Variants in HCRTR2 observed in about 807,000 individuals in gnomAD.
HCRTR2 encodes hypocretin receptor 2.
HCRTR2 carries 22 observed loss-of-function variants against 49.0 expected under a neutral mutation model. The ratio of observed to expected loss-of-function variants is 0.45; its 90% CI spans 0.32 to 0.64. The LOEUF is 0.64. HCRTR2 is among the 30% of genes least tolerant of loss of function. The pLI, the probability that HCRTR2 is intolerant of heterozygous loss-of-function variation, is 0.04. For synonymous variants in HCRTR2, 236 were observed against 205.3 expected (o/e 1.15, Z -1.28); for missense variants, 491 against 559.4 (o/e 0.88, Z 1.23).
chr6:55,119,599 C>T (rs377255320), intron 1 of HCRTR2, among the ~76,000 whole-genome samples: 27 of 150,244 alleles, frequency 1.8e-4, no homozygotes, highest in African/African-American at 5.9e-4. Context: ...AGTGTCTGCT[C>T]ATATCCTTTG....
In HCRTR2 at chr6:55,179,384, C is replaced by G. The variant is rs190634625; in HGVS notation, c.223+4574C>G. On this transcript the variant is annotated intron_variant, in intron 1 of 6. Transcript: ENST00000370862. ...ACTATTAGGCTTTAAACCTATTGTGCATTTTAGTTTTAAAATGCAAACATG... is the reference window on the plus strand; with the variant it reads ...ACTATTAGGCTTTAAACCTATTGTGGATTTTAGTTTTAAAATGCAAACATG... 2.2e-3 allele frequency among the ~76,000 whole-genome samples: 335 copies of G among 152,204 alleles called. 1 individual carries two copies. The highest frequency in any genetic ancestry group is 7.8e-3 in the African/African-American group (323 of 41,528).
At chr6:55,150,075 G>A (rs551434437) in intron 1 of HCRTR2, among the ~76,000 whole-genome samples, 7 of 151,910 alleles carry the variant, frequency 4.6e-5, no homozygotes, top group South Asian at 2.1e-4. Context: ...ATGCAGTCCT[G>A]AAGTGTGCTT....
intron 1 of HCRTR2, among the ~76,000 whole-genome samples, chr6:55,166,116 A>G (rs746748683): frequency 2.6e-5 from 4 of 151,930 alleles, no homozygotes; most frequent in Non-Finnish European, 4.4e-5. Flanking sequence ...TGCTGATATG[A>G]TGTACCACAT....
intron 4 of HCRTR2, among the ~76,000 whole-genome samples, chr6:55,268,608 A>G (rs897569217): frequency 9.9e-5 from 15 of 152,156 alleles, no homozygotes; most frequent in Non-Finnish European, 1.8e-4. Flanking sequence ...AAATATTACT[A>G]TACATAGAGA....
intron 1 of HCRTR2, among the ~76,000 whole-genome samples, chr6:55,183,411 A>AT (rs1476786795): frequency 6.6e-6 from 1 of 152,222 alleles, no homozygotes; most frequent in African/African-American, 2.4e-5. Context: ...GTGTTAGGCA[A>AT]TTGGGTAAGT....
At chr6:55,166,405 G>GTT (rs879370061) in intron 1 of HCRTR2, among the ~76,000 whole-genome samples, 4 of 102,612 alleles carry the variant, frequency 3.9e-5, no homozygotes, top group South Asian at 3.2e-4. Context: ...AGAATTGTTA[G>GTT]TTTTTTTTTT....
chr6:55,181,470 G>A (rs904904175), intron 1 of HCRTR2, among the ~76,000 whole-genome samples: 1 of 152,104 alleles, frequency 6.6e-6, no homozygotes, highest in Non-Finnish European at 1.5e-5. Context: ...TCTAAAAAAT[G>A]TTTAGAGATT....
At chr6:55,228,738 T>G (rs575618162) in intron 1 of HCRTR2, among the ~76,000 whole-genome samples, 2 of 152,332 alleles carry the variant, frequency 1.3e-5, no homozygotes, top group Non-Finnish European at 2.9e-5. Flanking sequence ...ACTTGTATTC[T>G]TAAAACTTCA....
intron 4 of HCRTR2, among the ~76,000 whole-genome samples, chr6:55,270,237 A>G (rs570083959): frequency 1.3e-5 from 2 of 152,352 alleles, no homozygotes; most frequent in African/African-American, 4.8e-5. Flanking sequence ...ATTAAAAATA[A>G]ATAGTCTGTT....
At chr6:55,116,519 G>A (rs571128241) in intron 1 of HCRTR2, among the ~76,000 whole-genome samples, 4 of 140,088 alleles carry the variant, frequency 2.9e-5, no homozygotes, top group African/African-American at 1.3e-4. Flanking sequence ...AAGGAAAGAG[G>A]GAAGAAGGGA....
At chr6:55,126,183 G>A (rs1430065092) in intron 1 of HCRTR2, among the ~76,000 whole-genome samples, 2 of 152,100 alleles carry the variant, frequency 1.3e-5, no homozygotes, top group East Asian at 1.9e-4. Flanking sequence ...TGATCTTTTG[G>A]AGGAGAAGAG....
In HCRTR2 at chr6:55,271,681, A is replaced by G. The variant is rs148862278; in HGVS notation, c.763-5699A>G. ...AATATACAAAGAACTCTTATGAATT[A>G]ATAATTTAAAAAAATTACAAGTAGG... On this transcript the variant is annotated intron_variant, in intron 4 of 6. Coordinates refer to ENST00000370862, the MANE Select transcript of HCRTR2 (RefSeq NM_001384272.1). Among the ~76,000 whole-genome samples, 273 of 152,284 alleles carry G rather than the reference A, an allele frequency of 1.8e-3. 1 individual carries two copies. The highest frequency in any genetic ancestry group is 0.017 in the Middle Eastern group (5 of 294).
intron 1 of HCRTR2, among the ~76,000 whole-genome samples, chr6:55,139,557 C>T (rs1425189750): frequency 6.6e-6 from 1 of 152,132 alleles, no homozygotes; most frequent in Admixed American, 6.6e-5. Flanking sequence ...ATTCCAAAAT[C>T]TTTAAGGTCT....
chr6:55,141,323 G>A (rs985975125), intron 1 of HCRTR2, among the ~76,000 whole-genome samples: 9 of 152,016 alleles, frequency 5.9e-5, no homozygotes, highest in Non-Finnish European at 1.2e-4. Context: ...CAGCCTGGGC[G>A]ACAGAGCAAG....
intron 4 of HCRTR2, among the ~76,000 whole-genome samples, chr6:55,265,909 G>A (rs1766852337): frequency 6.6e-6 from 1 of 152,008 alleles, no homozygotes; most frequent in Non-Finnish European, 1.5e-5. Context: ...GAACACCGTC[G>A]TGGGTTCTCA....
chr6:55,157,902 A>G (rs1188449790), intron 1 of HCRTR2, among the ~76,000 whole-genome samples: 1 of 152,230 alleles, frequency 6.6e-6, no homozygotes, highest in African/African-American at 2.4e-5. Context: ...GCTTTCCAAG[A>G]AAGATAGGCA....
At chr6:55,108,428 T>C (rs902039935) in intron 1 of HCRTR2, among the ~76,000 whole-genome samples, 8 of 151,992 alleles carry the variant, frequency 5.3e-5, no homozygotes, top group African/African-American at 1.4e-4. Flanking sequence ...AAGCTGTGAG[T>C]GCCCAAAATG....
In HCRTR2 at chr6:55,248,669, T is replaced by C; in HGVS notation, c.254T>C (p.Met85Thr). The C allele has an allele frequency of 6.2e-7, 1 of 1,613,490 alleles. No individual in the cohort carries two copies. Among genetic ancestry groups the C allele is most frequent in the Non-Finnish European group, 8.5e-7 (1 of 1,179,512 alleles). ...VCVAVWKNHH[M>T]RTVTNYFIVN... is the part of the protein sequence containing the mutation. ...GTGGCAGTGTGGAAGAACCACCACA[T>C]GAGGACGGTAACCAACTACTTCATA... Residue 85 changes from methionine (M) to threonine (T), a missense_variant, in exon 2 of 7, where the codon ATG (methionine) becomes ACG (threonine). Met to Thr is a moderately conservative substitution (Grantham distance 81). Transcript: ENST00000370862.
At chr6:55,115,872 A>G (rs1348337410) in intron 1 of HCRTR2, among the ~76,000 whole-genome samples, 2 of 151,420 alleles carry the variant, frequency 1.3e-5, no homozygotes, top group Non-Finnish European at 3.0e-5. Context: ...TGTATTTTTC[A>G]ATTACTACAT....
Sources: allele counts gnomAD v4.1 joint callset (sites outside exome capture counted in the v4.1 genomes callset), GRCh38; gene constraint gnomAD v4.1.1; transcripts MANE v1.5; gene names NCBI Gene and HGNC (gene_info 2026-07-23, HGNC 2026-07-21).